The following DMXL1 variants were observed in gnomAD, a reference collection of about 807,000 sequenced individuals.
DMXL1 encodes the protein Dmx like 1, also known as dmX-like protein 1.
Under a neutral mutation model 319.2 loss-of-function variants are expected in DMXL1, and 99 were observed. The ratio of observed to expected loss-of-function variants is 0.31; its 90% CI spans 0.26 to 0.37. The LOEUF (loss-of-function observed/expected upper bound fraction) is 0.37, where lower values mean the gene tolerates loss of function less well. Ranked by LOEUF, DMXL1 falls within the 10% of genes least tolerant of loss-of-function variation. The pLI is 1.00. For missense variants in DMXL1, 3,745 were observed against 3,595.6 expected (o/e 1.04, Z -1.06); for synonymous variants, 1,385 against 1,235.2 (o/e 1.12, Z -2.54).
chr5:119,107,830 C>T (rs181630747), intron 4 of DMXL1, among the ~76,000 whole-genome samples: 97 of 152,152 alleles, frequency 6.4e-4, no homozygotes, highest in African/African-American at 2.2e-3. Flanking sequence ...TCTAGTTGCT[C>T]TACTATTTAT....
chr5:119,157,363 G>A (rs551453077), intron 19 of DMXL1, among the ~76,000 whole-genome samples: 15 of 152,072 alleles, frequency 9.9e-5, no homozygotes, highest in South Asian at 6.2e-4. Flanking sequence ...TTTGTTGCCC[G>A]TCCCTTTGGT....
intron 1 of DMXL1, among the ~76,000 whole-genome samples, chr5:119,082,425 C>T (rs1752450380): frequency 6.6e-6 from 1 of 152,042 alleles, no homozygotes; most frequent in Admixed American, 6.6e-5. Context: ...CAGGCATGTC[C>T]CACCATGCCT....
intron 30 of DMXL1, 95 bp from the exon 31 acceptor site, chr5:119,196,276 A>T: frequency 2.2e-6 from 2 of 926,624 alleles, no homozygotes; most frequent in South Asian, 1.3e-5. Flanking sequence ...GTTCAGGTTG[A>T]TTCCTGATAG....
At chr5:119,240,750 C>G (rs1196238007) in intron 42 of DMXL1, among the ~76,000 whole-genome samples, 1 of 152,136 alleles carries the variant, frequency 6.6e-6, no homozygotes, top group African/African-American at 2.4e-5. Flanking sequence ...ATGATGTAAA[C>G]TCAATATTAT....
intron 5 of DMXL1, among the ~76,000 whole-genome samples, chr5:119,110,815 C>G (rs1484508664): frequency 6.6e-6 from 1 of 152,158 alleles, no homozygotes; most frequent in Non-Finnish European, 1.5e-5. Flanking sequence ...TAGGAACAGA[C>G]AGATTAGGAT....
intron 13 of DMXL1, among the ~76,000 whole-genome samples, chr5:119,140,359 A>G (rs1767028667): frequency 6.6e-6 from 1 of 152,188 alleles, no homozygotes; most frequent in African/African-American, 2.4e-5. Context: ...GATTAATAAG[A>G]TAAGTACGTT....
chr5:119,121,284 A>G (rs1165421010), intron 9 of DMXL1, 145 bp downstream of exon 9: 10 of 586,006 alleles, frequency 1.7e-5, no homozygotes, highest in Non-Finnish European at 2.6e-5. Flanking sequence ...TTTTTTTTTA[A>G]TTTATTATTT....
At chr5:119,129,135 A>G (rs952793973) in intron 9 of DMXL1, 76 bp from the exon 10 acceptor site, 4 of 842,250 alleles carry the variant, frequency 4.7e-6, no homozygotes, top group Non-Finnish European at 7.3e-6. Context: ...ATGTAATAGT[A>G]ATAAAAATAT....
chr5:119,193,709 A>G, intron 29 of DMXL1, 119 bp from the exon 30 acceptor site: 1 of 972,260 alleles, frequency 1.0e-6, no homozygotes, highest in Non-Finnish European at 1.5e-6. Flanking sequence ...GATAATAGTT[A>G]CTTAACTCTC....
chr5:119,223,623 C>T (rs1269717559), intron 37 of DMXL1, among the ~76,000 whole-genome samples: 1 of 152,144 alleles, frequency 6.6e-6, no homozygotes, highest in East Asian at 1.9e-4. Flanking sequence ...CGGATTGCCT[C>T]ACTCTACCCT....
intron 2 of DMXL1, 53 bp downstream of exon 2, chr5:119,098,157 G>A (rs1756410019): frequency 1.9e-6 from 3 of 1,557,094 alleles, no homozygotes; most frequent in Non-Finnish European, 2.6e-6. Context: ...GTTTTTGTCA[G>A]GATAATCTCT....
chr5:119,210,775 T>TG (rs1782663063), intron 34 of DMXL1, among the ~76,000 whole-genome samples: 2 of 148,706 alleles, frequency 1.3e-5, no homozygotes, highest in Admixed American at 1.3e-4. Context: ...TTTTTTTTTT[T>TG]TGCCTTATCA....
At chr5:119,144,173 A>G (rs1768019102) in intron 14 of DMXL1, among the ~76,000 whole-genome samples, 2 of 151,804 alleles carry the variant, frequency 1.3e-5, no homozygotes, top group Admixed American at 1.3e-4. Context: ...TTTGACTCAA[A>G]CATATTAGAA....
chr5:119,074,174 C>T (rs551997032), intron 1 of DMXL1, among the ~76,000 whole-genome samples: 4 of 152,244 alleles, frequency 2.6e-5, no homozygotes, highest in Non-Finnish European at 5.9e-5. Context: ...CAGTCTTGGC[C>T]TCCCAAAGTG....
At chr5:119,152,726 C>G (rs1770092885) in intron 19 of DMXL1, among the ~76,000 whole-genome samples, 1 of 152,134 alleles carries the variant, frequency 6.6e-6, no homozygotes, top group Non-Finnish European at 1.5e-5. Context: ...AACAAAACAG[C>G]ATGTTTTTTG....
chr5:119,118,344 A>G (rs998085026), intron 7 of DMXL1, among the ~76,000 whole-genome samples: 5 of 152,366 alleles, frequency 3.3e-5, no homozygotes, highest in African/African-American at 9.6e-5. Flanking sequence ...TCAAAGAACT[A>G]TCCACTCAAT....
In DMXL1 at chr5:119,177,446, A is replaced by T. The variant is rs760165834; in HGVS notation, c.6848A>T (p.Glu2283Val). 2 of 1,609,938 alleles carry T rather than the reference A, an allele frequency of 1.2e-6. No individual in the cohort carries two copies. Among genetic ancestry groups the T allele is most frequent in the Non-Finnish European group, 8.5e-7 (1 of 1,177,482 alleles). Residue 2283 changes from glutamate (E) to valine (V), a missense_variant, in exon 27 of 44, where the codon GAA (glutamate) becomes GTA (valine). Physicochemically the swap from Glu to Val is moderately radical, Grantham distance 121 (BLOSUM62 -2). Coordinates refer to ENST00000539542, the MANE Select transcript of DMXL1 (RefSeq NM_001290321.3). ...RPSLKTGSLD[E>V]ALTPNTSPAQ... is the part of the protein sequence containing the mutation. Reference sequence around the variant, plus strand: ...TCTTTGAAAACAGGAAGCTTAGATGAAGCATTAACTCCCAATACGTCACCA... The same window carrying T: ...TCTTTGAAAACAGGAAGCTTAGATGTAGCATTAACTCCCAATACGTCACCA...
chr5:119,220,326 A>T (rs529863523), intron 35 of DMXL1, 146 bp from the exon 36 acceptor site: 3 of 665,050 alleles, frequency 4.5e-6, no homozygotes. Context: ...GAAGCTTATT[A>T]TTTCACTAAA....
intron 9 of DMXL1, among the ~76,000 whole-genome samples, chr5:119,122,976 G>A (rs1000620155): frequency 2.0e-5 from 3 of 152,178 alleles, no homozygotes; most frequent in Admixed American, 6.5e-5. Context: ...AGGTTGTAGC[G>A]AGCGGAGATC....
Sources: allele counts gnomAD v4.1 joint callset (sites outside exome capture counted in the v4.1 genomes callset), GRCh38; gene constraint gnomAD v4.1.1; transcripts MANE v1.5; gene names NCBI Gene and HGNC (gene_info 2026-07-23, HGNC 2026-07-21).